Variants in ENOX1 observed in about 807,000 individuals in gnomAD.
ENOX1 encodes the protein ecto-NOX disulfide-thiol exchanger 1.
Under a neutral mutation model 82.5 loss-of-function variants are expected in ENOX1, and 42 were observed. That is an observed-to-expected ratio of 0.51 (90% CI 0.40 to 0.66). The LOEUF is 0.66. Among genes scored for constraint, ENOX1 ranks in the 30% least tolerant of loss-of-function variants. ENOX1 has a pLI of 0.00. For missense variants in ENOX1, 608 were observed against 811.6 expected (o/e 0.75, Z 3.05); for synonymous variants, 271 against 282.2 (o/e 0.96, Z 0.40).
intron 15 of ENOX1, among the ~76,000 whole-genome samples, chr13:43,225,909 C>T (rs898420730): frequency 2.0e-5 from 3 of 152,158 alleles, no homozygotes; most frequent in African/African-American, 7.2e-5. Flanking sequence ...CAAAGAACTA[C>T]CACTTCATTC....
intron 12 of ENOX1, among the ~76,000 whole-genome samples, chr13:43,271,562 T>G (rs1213474875): frequency 1.3e-5 from 2 of 152,056 alleles, no homozygotes; most frequent in Non-Finnish European, 2.9e-5. Context: ...GAATACTACT[T>G]GGACACCTCT....
chr13:43,590,590 T>C (rs989590534), intron 2 of ENOX1, among the ~76,000 whole-genome samples: 3 of 142,528 alleles, frequency 2.1e-5, no homozygotes, highest in Admixed American at 7.2e-5. Flanking sequence ...GTGGCTAACA[T>C]GGTGAAACCT....
intron 2 of ENOX1, among the ~76,000 whole-genome samples, chr13:43,537,501 G>A (rs183178412): frequency 2.6e-3 from 399 of 152,298 alleles, no homozygotes; most frequent in African/African-American, 8.0e-3. Flanking sequence ...ACTGTGATTT[G>A]TTTTTATCCC....
At chr13:43,737,773 A>G (rs965348405) in intron 1 of ENOX1, among the ~76,000 whole-genome samples, 3 of 152,194 alleles carry the variant, frequency 2.0e-5, no homozygotes, top group Non-Finnish European at 4.4e-5. Context: ...TGTGACCATC[A>G]TGCATTTACC....
At chr13:43,273,601 C>T (rs1190721748) in intron 12 of ENOX1, among the ~76,000 whole-genome samples, 1 of 152,116 alleles carries the variant, frequency 6.6e-6, no homozygotes, top group African/African-American at 2.4e-5. Context: ...CTGAAAAGAG[C>T]CCCATCCTCT....
At chr13:43,486,030 G>A (rs1363990480) in intron 2 of ENOX1, among the ~76,000 whole-genome samples, 1 of 152,168 alleles carries the variant, frequency 6.6e-6, no homozygotes, top group Non-Finnish European at 1.5e-5. Flanking sequence ...CTAACACTGT[G>A]AAAGCCCGTC....
chr13:43,216,902 A>T (rs979274457), intron 16 of ENOX1, among the ~76,000 whole-genome samples: 6 of 152,310 alleles, frequency 3.9e-5, no homozygotes, highest in African/African-American at 1.4e-4. Context: ...AGCTGGCTGT[A>T]AAAAGTGTGA....
intron 3 of ENOX1, among the ~76,000 whole-genome samples, chr13:43,414,135 A>T (rs530604100): frequency 6.6e-6 from 1 of 152,276 alleles, no homozygotes; most frequent in South Asian, 2.1e-4. Flanking sequence ...AAGAATCAGT[A>T]ATTCCTTGAG....
intron 1 of ENOX1, among the ~76,000 whole-genome samples, chr13:43,721,320 A>T (rs1371686088): frequency 6.6e-6 from 1 of 151,928 alleles, no homozygotes; most frequent in East Asian, 1.9e-4. Context: ...GCAAATTTAA[A>T]ACACCATAAA....
chr13:43,396,107 C>T (rs1463628201), intron 5 of ENOX1, among the ~76,000 whole-genome samples: 1 of 152,220 alleles, frequency 6.6e-6, no homozygotes, highest in Non-Finnish European at 1.5e-5. Flanking sequence ...TAATCGCTAG[C>T]ATCTAAATTA....
chr13:43,489,788 G>C (rs1437075908), intron 2 of ENOX1, among the ~76,000 whole-genome samples: 3 of 152,322 alleles, frequency 2.0e-5, no homozygotes, highest in Non-Finnish European at 4.4e-5. Flanking sequence ...ATGTCTTGAA[G>C]AAGATATGAA....
chr13:43,305,638 G>C (rs529355440), intron 11 of ENOX1, among the ~76,000 whole-genome samples: 79 of 152,228 alleles, frequency 5.2e-4, no homozygotes, highest in African/African-American at 1.9e-3. Flanking sequence ...GAACTAGGAG[G>C]TGCTGCTGGG....
chr13:43,327,681 A>T (rs1160369123), intron 9 of ENOX1, among the ~76,000 whole-genome samples: 1 of 152,226 alleles, frequency 6.6e-6, no homozygotes, highest in Non-Finnish European at 1.5e-5. Context: ...ATAAAAAAGG[A>T]CATCAAAGCT....
chr13:43,527,007 G>T (rs944652661), intron 2 of ENOX1, among the ~76,000 whole-genome samples: 3 of 152,052 alleles, frequency 2.0e-5, no homozygotes, highest in Admixed American at 6.6e-5. Flanking sequence ...ATTGGAAGCA[G>T]AGTGCAGCCC....
intron 1 of ENOX1, among the ~76,000 whole-genome samples, chr13:43,720,666 G>A (rs1299422813): frequency 6.6e-6 from 1 of 152,166 alleles, no homozygotes; most frequent in African/African-American, 2.4e-5. Context: ...TGTAAGTGAA[G>A]CCTGATGGGA....
chr13:43,442,173 G>C (rs1287761277), intron 3 of ENOX1, among the ~76,000 whole-genome samples: 3 of 152,120 alleles, frequency 2.0e-5, no homozygotes, highest in Non-Finnish European at 4.4e-5. Flanking sequence ...GGGTATTAGT[G>C]CAGGCTGGTC....
intron 3 of ENOX1, among the ~76,000 whole-genome samples, chr13:43,433,146 A>G (rs554276495): frequency 2.0e-4 from 30 of 152,304 alleles, no homozygotes; most frequent in African/African-American, 7.2e-4. Flanking sequence ...GCATGGTGCC[A>G]ACATCTGCTT....
chr13:43,338,847 G>A (rs552995986), intron 9 of ENOX1, among the ~76,000 whole-genome samples: 8 of 151,880 alleles, frequency 5.3e-5, no homozygotes, highest in Admixed American at 4.6e-4. Flanking sequence ...CACTGCCCCC[G>A]GCTAATTTTT....
intron 1 of ENOX1, among the ~76,000 whole-genome samples, chr13:43,704,948 C>A (rs1184105119): frequency 2.0e-5 from 3 of 152,028 alleles, no homozygotes; most frequent in African/African-American, 7.2e-5. Flanking sequence ...GAACTATTTT[C>A]CTTACAACTA....
Sources: gnomAD v4.1 joint callset for allele counts (sites outside exome capture counted in the v4.1 genomes callset) on GRCh38, gnomAD v4.1.1 for gene constraint, MANE v1.5 for transcripts, NCBI Gene and HGNC (gene_info 2026-07-23, HGNC 2026-07-21) for gene names.